The following SLC4A10 variants were observed in gnomAD, a reference collection of about 807,000 sequenced individuals.
SLC4A10 encodes sodium-driven chloride bicarbonate exchanger.
A neutral mutation model predicts 137.7 loss-of-function variants in SLC4A10; 42 were observed. The ratio of observed to expected loss-of-function variants is 0.30; its 90% CI spans 0.24 to 0.39. The LOEUF is 0.39. Among genes scored for constraint, SLC4A10 ranks in the 10% least tolerant of loss-of-function variants. The pLI is 1.00. For synonymous variants in SLC4A10, 474 were observed against 464.1 expected, an observed-to-expected ratio of 1.02 and a Z score of -0.27; for missense variants, 925 against 1,355.0, an observed-to-expected ratio of 0.68 and a Z score of 4.98.
chr2:161,692,421 T>G (rs1452846964), intron 1 of SLC4A10, among the ~76,000 whole-genome samples: 1 of 152,130 alleles, frequency 6.6e-6, no homozygotes, highest in African/African-American at 2.4e-5. Context: ...GATTATAGAA[T>G]GTTGTTATGG....
chr2:161,889,834 T>G (rs765706223), intron 10 of SLC4A10, among the ~76,000 whole-genome samples: 4 of 152,144 alleles, frequency 2.6e-5, no homozygotes, highest in African/African-American at 4.8e-5. Context: ...TGCTAGCTTT[T>G]GAATTTGTTT....
At chr2:161,865,324 A>C (rs928201111) in intron 6 of SLC4A10, among the ~76,000 whole-genome samples, 14 of 152,092 alleles carry the variant, frequency 9.2e-5, no homozygotes, top group Admixed American at 2.0e-4. Flanking sequence ...ATATAGTCAC[A>C]AGGTTTTCTG....
intron 3 of SLC4A10, among the ~76,000 whole-genome samples, chr2:161,816,670 C>T (rs1269668148): frequency 1.4e-5 from 2 of 144,036 alleles, no homozygotes. Context: ...TGATGTTCCC[C>T]TTCCTGTGTC....
At chr2:161,876,122 C>T (rs2061434231) in intron 8 of SLC4A10, among the ~76,000 whole-genome samples, 1 of 152,096 alleles carries the variant, frequency 6.6e-6, no homozygotes, top group African/African-American at 2.4e-5. Context: ...CCACTACCAG[C>T]ATAAAGGTGA....
intron 1 of SLC4A10, among the ~76,000 whole-genome samples, chr2:161,722,868 T>G (rs1287547952): frequency 6.6e-6 from 1 of 152,192 alleles, no homozygotes; most frequent in Non-Finnish European, 1.5e-5. Flanking sequence ...AACGCCTGGA[T>G]GGAGTTGCTG....
chr2:161,905,852 C>T lies in SLC4A10; in HGVS notation c.1962C>T (p.Asn654=). 6.2e-7 allele frequency: 1 copy of T among 1,613,548 alleles called. No individual in the cohort carries two copies. The change falls in exon 15 of 27, where the codon AAC becomes AAT. Residue 654 remains asparagine, a synonymous_variant. Coordinates refer to ENST00000446997, the MANE Select transcript of SLC4A10 (RefSeq NM_001178015.2). ...AACTCAGTGAAGCATATCCAATCAA[C>T]ATGCATAATGATCTGGAACTGCTGA... ...LFELSEAYPI[N]MHNDLELLTQ...
At chr2:161,850,033 A>C (rs1238274973) in intron 4 of SLC4A10, among the ~76,000 whole-genome samples, 1 of 151,886 alleles carries the variant, frequency 6.6e-6, no homozygotes, top group South Asian at 2.1e-4. Context: ...TTTCTGGTTG[A>C]TAGGTTTTTT....
rs1559646590 is a variant in SLC4A10, at chr2:161,966,371, T to C, written c.3159+1198T>C. On this transcript the variant is annotated intron_variant, in intron 23 of 26. Transcript: ENST00000446997. ...ACTCATACTTCTAGTAATATTAATG[T>C]TAACACAAAAAATGATATTATACAA... Among the ~76,000 whole-genome samples the C allele has an allele frequency of 2.0e-5, 3 of 152,222 alleles. No homozygotes were observed. The South Asian group carries it at 6.2e-4, about 32-fold the overall frequency.
chr2:161,636,726 GT>G (rs1464114239), intron 1 of SLC4A10, among the ~76,000 whole-genome samples: 2 of 151,888 alleles, frequency 1.3e-5, no homozygotes, highest in African/African-American at 4.8e-5. Flanking sequence ...GTCTTGCTCT[GT>G]CACCCAGGCT....
chr2:161,748,487 T>G (rs1574739134), intron 1 of SLC4A10, among the ~76,000 whole-genome samples: 1 of 151,118 alleles, frequency 6.6e-6, no homozygotes, highest in East Asian at 1.9e-4. Context: ...AAGATATGGT[T>G]CCAGTTTTAT....
At chr2:161,728,367 G>A (rs1211758228) in intron 1 of SLC4A10, among the ~76,000 whole-genome samples, 1 of 152,124 alleles carries the variant, frequency 6.6e-6, no homozygotes, top group African/African-American at 2.4e-5. Flanking sequence ...CTGAGGTCAG[G>A]AGTTCAAGAC....
intron 2 of SLC4A10, among the ~76,000 whole-genome samples, chr2:161,791,438 A>G (rs191295487): frequency 6.6e-6 from 1 of 152,214 alleles, no homozygotes; most frequent in African/African-American, 2.4e-5. Context: ...GACACATGAG[A>G]GGAAACAACA....
At chr2:161,902,429 G>A (rs1439747076) in intron 12 of SLC4A10, among the ~76,000 whole-genome samples, 2 of 152,020 alleles carry the variant, frequency 1.3e-5, no homozygotes, top group African/African-American at 4.8e-5. Context: ...GTTTTGAATT[G>A]TGACTTTGAT....
At chr2:161,774,641 G>C (rs1450140305) in intron 2 of SLC4A10, among the ~76,000 whole-genome samples, 1 of 151,816 alleles carries the variant, frequency 6.6e-6, no homozygotes, top group Non-Finnish European at 1.5e-5. Flanking sequence ...TGACCCTGTA[G>C]TCAATGAAGG....
intron 12 of SLC4A10, among the ~76,000 whole-genome samples, chr2:161,903,801 A>G (rs1683681506): frequency 1.3e-5 from 2 of 152,128 alleles, no homozygotes. Context: ...TTGACACGAT[A>G]TTGGGTTAGG....
At chr2:161,689,453 A>G (rs1178592575) in intron 1 of SLC4A10, among the ~76,000 whole-genome samples, 2 of 152,188 alleles carry the variant, frequency 1.3e-5, no homozygotes, top group Non-Finnish European at 2.9e-5. Flanking sequence ...TACACTATTC[A>G]GTACAGTAAC....
At chr2:161,794,516 C>T (rs940238717) in intron 2 of SLC4A10, among the ~76,000 whole-genome samples, 6 of 151,980 alleles carry the variant, frequency 3.9e-5, no homozygotes, top group African/African-American at 1.4e-4. Flanking sequence ...CCAGATATGG[C>T]CCTTCTGTAT....
At chr2:161,826,544 G>A (rs570157223) in intron 3 of SLC4A10, among the ~76,000 whole-genome samples, 137 of 152,294 alleles carry the variant, frequency 9.0e-4, no homozygotes, top group African/African-American at 2.9e-3. Context: ...GCCTGCAAAA[G>A]GAGAGTATTT....
At chr2:161,864,766 T>A (rs191672433) in intron 6 of SLC4A10, among the ~76,000 whole-genome samples, 3 of 152,248 alleles carry the variant, frequency 2.0e-5, no homozygotes, top group East Asian at 3.9e-4. Flanking sequence ...AAATCACAAT[T>A]TGCTTTAAAA....
Sources: gnomAD v4.1 joint callset for allele counts (sites outside exome capture counted in the v4.1 genomes callset) on GRCh38, gnomAD v4.1.1 for gene constraint, MANE v1.5 for transcripts, NCBI Gene and HGNC (gene_info 2026-07-23, HGNC 2026-07-21) for gene names.